GRB10: variants seen among roughly 807,000 people sequenced by gnomAD.
The protein encoded by GRB10 is growth factor receptor-bound protein 10.
In GRB10, 20 loss-of-function variants were observed where a neutral mutation model predicts 80.9. The observed-to-expected ratio is 0.25, with a 90% confidence interval of 0.17 to 0.36. The LOEUF is 0.36. Ranked by LOEUF, GRB10 falls within the 10% of genes least tolerant of loss-of-function variation. The probability of loss-of-function intolerance (pLI) is 1.00; values close to 1 mark genes in which losing one functional copy is unlikely to be tolerated. For synonymous variants in GRB10, 291 were observed against 291.5 expected (o/e 1.00, Z 0.02); for missense variants, 548 against 747.7 (o/e 0.73, Z 3.12).
At chr7:50,668,141 T>C (rs1040708839) in intron 7 of GRB10, among the ~76,000 whole-genome samples, 2 of 152,110 alleles carry the variant, frequency 1.3e-5, no homozygotes, top group African/African-American at 2.4e-5. Flanking sequence ...GTTTTGATAG[T>C]GCCATAATGC....
intron 2 of GRB10, among the ~76,000 whole-genome samples, chr7:50,777,008 A>G (rs2077725523): frequency 6.8e-6 from 1 of 147,388 alleles, no homozygotes; most frequent in East Asian, 2.0e-4. Context: ...TCTTTTAAGT[A>G]TTTGCTATAA....
At chr7:50,634,860 G>A (rs577379606) in intron 7 of GRB10, among the ~76,000 whole-genome samples, 2 of 152,322 alleles carry the variant, frequency 1.3e-5, no homozygotes, top group South Asian at 4.1e-4. Context: ...AAATACGTGT[G>A]CAAGCACCAA....
intron 4 of GRB10, among the ~76,000 whole-genome samples, chr7:50,721,627 G>A (rs2067769255): frequency 2.0e-5 from 3 of 152,174 alleles, no homozygotes. Flanking sequence ...GTAGGGCTCT[G>A]CAGCTTGAGA....
At chr7:50,605,255 G>A in intron 15 of GRB10, 35 bp downstream of exon 15, 2 of 1,496,568 alleles carry the variant, frequency 1.3e-6, no homozygotes, top group Non-Finnish European at 1.9e-6. Context: ...CACCTTGAGG[G>A]TGCCCCTCCA....
chr7:50,682,039 T>C (rs540611537), intron 5 of GRB10, among the ~76,000 whole-genome samples: 3 of 152,192 alleles, frequency 2.0e-5, no homozygotes, highest in Non-Finnish European at 2.9e-5. Flanking sequence ...TTGCTTTCCT[T>C]GGCTGGAGGC....
intron 3 of GRB10, among the ~76,000 whole-genome samples, chr7:50,737,286 A>C (rs887576512): frequency 2.0e-5 from 3 of 152,182 alleles, no homozygotes; most frequent in African/African-American, 7.2e-5. Context: ...ACGGCGTAAC[A>C]CCATCCCCCT....
upstream of GRB10, among the ~76,000 whole-genome samples, chr7:50,787,669 C>A (rs879570787): frequency 1.3e-5 from 2 of 152,186 alleles, no homozygotes; most frequent in African/African-American, 2.4e-5. Flanking sequence ...GATGAGGCGA[C>A]AATGACACTA....
intron 7 of GRB10, among the ~76,000 whole-genome samples, chr7:50,632,950 G>A (rs1418164752): frequency 2.6e-5 from 4 of 152,118 alleles, no homozygotes; most frequent in African/African-American, 9.7e-5. Context: ...CAGCTCTGCC[G>A]CCCCCAGCCA....
At chr7:50,673,631 A>G (rs1430210555) in intron 6 of GRB10, among the ~76,000 whole-genome samples, 1 of 152,074 alleles carries the variant, frequency 6.6e-6, no homozygotes, top group Non-Finnish European at 1.5e-5. Flanking sequence ...GGGGCTCCTG[A>G]GACCACTTCC....
At chr7:50,635,240 T>C (rs1378339373) in intron 7 of GRB10, among the ~76,000 whole-genome samples, 1 of 152,136 alleles carries the variant, frequency 6.6e-6, no homozygotes, top group Non-Finnish European at 1.5e-5. Context: ...CTCTCAAAAC[T>C]GTACAAATAC....
chr7:50,687,988 G>C (rs1157823989), intron 5 of GRB10, among the ~76,000 whole-genome samples: 3 of 152,242 alleles, frequency 2.0e-5, no homozygotes, highest in South Asian at 2.1e-4. Context: ...TGGTGAAAAA[G>C]AGTGGTTCAG....
chr7:50,683,644 G>C (rs1298752773), intron 5 of GRB10, among the ~76,000 whole-genome samples: 2 of 152,176 alleles, frequency 1.3e-5, no homozygotes, highest in African/African-American at 4.8e-5. Context: ...GCCTGAGGCA[G>C]GAGAATCGCT....
intron 2 of GRB10, among the ~76,000 whole-genome samples, chr7:50,766,451 CTTAAAGGAGTTTTAAAAAAAG>C (rs1016354724): frequency 6.6e-6 from 1 of 151,638 alleles, no homozygotes; most frequent in African/African-American, 2.4e-5. Flanking sequence ...TTCTTCTTCC[CTTAAAGGAGTTTTAAAAAAAG>C]TTAAAGGAGT....
At chr7:50,787,479 A>G (rs1187402747), upstream of GRB10, among the ~76,000 whole-genome samples, 2 of 152,246 alleles carry the variant, frequency 1.3e-5, no homozygotes, top group Non-Finnish European at 2.9e-5. Flanking sequence ...TTGAGGAATT[A>G]GGAAACCAGG....
At chr7:50,737,001 C>T (rs2070910578) in intron 3 of GRB10, among the ~76,000 whole-genome samples, 1 of 152,194 alleles carries the variant, frequency 6.6e-6, no homozygotes, top group Non-Finnish European at 1.5e-5. Context: ...TCAGATATGA[C>T]ACCAAAGGTG....
At chr7:50,777,037 T>A (rs545332072) in intron 2 of GRB10, among the ~76,000 whole-genome samples, 1 of 49,694 alleles carries the variant, frequency 2.0e-5, no homozygotes, top group Non-Finnish European at 4.4e-5. Context: ...ACTCTCAGTA[T>A]CAATTTCTGT....
intron 4 of GRB10, among the ~76,000 whole-genome samples, chr7:50,710,656 G>A (rs1336216437): frequency 1.3e-5 from 2 of 152,146 alleles, no homozygotes; most frequent in Non-Finnish European, 2.9e-5. Context: ...TGGAAGGACT[G>A]CACAGCAGGC....
intron 4 of GRB10, among the ~76,000 whole-genome samples, chr7:50,715,179 T>G (rs1587363587): frequency 6.6e-6 from 1 of 150,940 alleles, no homozygotes; most frequent in Admixed American, 6.6e-5. Context: ...GGCCTGGAGC[T>G]CCAGCCTGGG....
At position 50,679,759 on chromosome 7, in the gene GRB10, A is replaced by G. The variant is rs138930450; in HGVS notation, c.140-5101T>C. Among the ~76,000 whole-genome samples, 37 of 152,336 alleles carry G rather than the reference A, an allele frequency of 2.4e-4. 1 individual carries two copies. Among genetic ancestry groups the G allele is most frequent in the African/African-American group, 8.7e-4 (36 of 41,580 alleles). On this transcript the variant is annotated intron_variant, in intron 5 of 18. Coordinates refer to ENST00000401949, the MANE Select transcript of GRB10 (RefSeq NM_001350814.2). ...AAACAGATAAATGGCACTTTACATG[A>G]AAAGTCTCTAACACATGTGCAAAAG...
Sources: allele counts gnomAD v4.1 joint callset (sites outside exome capture counted in the v4.1 genomes callset), GRCh38; gene constraint gnomAD v4.1.1; transcripts MANE v1.5; gene names NCBI Gene and HGNC (gene_info 2026-07-23, HGNC 2026-07-21).